SYTL4: variants seen among roughly 807,000 people sequenced by gnomAD.
The protein encoded by SYTL4 is synaptotagmin-like protein 4.
A neutral mutation model predicts 52.7 loss-of-function variants in SYTL4; 16 were observed. That is an observed-to-expected ratio of 0.30 (90% CI 0.21 to 0.46). The LOEUF (loss-of-function observed/expected upper bound fraction) is 0.46. Among genes scored for constraint, SYTL4 ranks in the 20% least tolerant of loss-of-function variants. The pLI is 1.00. For missense variants in SYTL4, 423 were observed against 519.9 expected, an observed-to-expected ratio of 0.81 and a Z score of 1.81; for synonymous variants, 160 against 186.6, an observed-to-expected ratio of 0.86 and a Z score of 1.16.
chrX:100,699,482 C>CATT (rs1313181387), intron 8 of SYTL4, among the ~76,000 whole-genome samples: 25 of 59,873 alleles, frequency 4.2e-4, no homozygotes, highest in Non-Finnish European at 5.2e-4. Flanking sequence ...CAGCATTACT[C>CATT]TTTTTTTTTT....
chrX:100,687,366 A>T, intron 13 of SYTL4, 121 bp from the exon 14 acceptor site: 1 of 591,707 alleles, frequency 1.7e-6, no homozygotes, highest in Non-Finnish European at 2.7e-6. Context: ...CCCTGCAATA[A>T]GCCAGTGCTG....
rs369124369 is a variant in SYTL4, at chrX:100,686,179, T to C, written c.1288-28A>G. 115 of 1,179,755 alleles carry C rather than the reference T, an allele frequency of 9.7e-5. No individual in the cohort carries two copies. In the South Asian group the frequency reaches 1.5e-3, roughly 16 times the overall value. ...GTGAAGGGAAAGTAAAAGCCCAAGA[T>C]GATTAGTTAAGGGTAATTCTTCAGA... On this transcript the variant is annotated intron_variant, in intron 15 of 19. Coordinates refer to ENST00000372989, the MANE Select transcript of SYTL4 (RefSeq NM_001370165.1).
At position 100,694,073 on chromosome X, in the gene SYTL4, A is replaced by G. The variant is rs139826958; in HGVS notation, c.540-2864T>C. Among the ~76,000 whole-genome samples the G allele has an allele frequency of 6.2e-5, 7 of 112,217 alleles. No individual in the cohort carries two copies. The East Asian group carries it at 2.0e-3, about 31-fold the overall frequency. ...ATCGGGTTTCTATTTGGGATGGTGA[A>G]AATGTTCTGAAATTAGATAGTGGTG... On this transcript the variant is annotated intron_variant, in intron 8 of 19. Coordinates refer to ENST00000372989, the MANE Select transcript of SYTL4 (RefSeq NM_001370165.1).
At chrX:100,724,958 A>G (rs1223851477) in intron 2 of SYTL4, among the ~76,000 whole-genome samples, 3 of 110,912 alleles carry the variant, frequency 2.7e-5, no homozygotes, top group African/African-American at 9.8e-5. Context: ...AAAAATTGCA[A>G]ATCATATATA....
intron 2 of SYTL4, among the ~76,000 whole-genome samples, chrX:100,716,718 T>C (rs1385321002): frequency 9.1e-6 from 1 of 110,377 alleles, no homozygotes; most frequent in Non-Finnish European, 1.9e-5. Flanking sequence ...TTACAGTCAA[T>C]AAAATAATTG....
intron 8 of SYTL4, among the ~76,000 whole-genome samples, chrX:100,694,639 CT>C (rs1486494565): frequency 9.0e-6 from 1 of 111,632 alleles, no homozygotes; most frequent in Non-Finnish European, 1.9e-5. Flanking sequence ...ACTTGACTAT[CT>C]TTTTATCTCC....
intron 15 of SYTL4, 107 bp from the exon 16 acceptor site, chrX:100,686,258 C>A (rs2083471782): frequency 5.1e-6 from 4 of 790,468 alleles, no homozygotes; most frequent in Non-Finnish European, 7.0e-6. Context: ...GTCCTGAATA[C>A]CAAATTACTT....
chrX:100,713,869 CTG>C (rs1279039762), intron 2 of SYTL4, among the ~76,000 whole-genome samples: 1 of 109,986 alleles, frequency 9.1e-6, no homozygotes, highest in Admixed American at 9.7e-5. Context: ...AAAAAAAACA[CTG>C]TATGATTTCA....
At chrX:100,704,769 A>C (rs1481789183) in intron 3 of SYTL4, 42 bp downstream of exon 3, 1 of 112,266 alleles carries the variant, frequency 8.9e-6, no homozygotes, top group Non-Finnish European at 1.9e-5. Context: ...AAAGAGCCCA[A>C]GGTAGACAGA....
intron 8 of SYTL4, among the ~76,000 whole-genome samples, chrX:100,698,344 C>T (rs1220049042): frequency 9.0e-6 from 1 of 111,325 alleles, no homozygotes; most frequent in Non-Finnish European, 1.9e-5. Flanking sequence ...ACCTTGTGAT[C>T]CGCCCGCCTC....
At chrX:100,710,990 A>G (rs992782545) in intron 2 of SYTL4, among the ~76,000 whole-genome samples, 4 of 112,275 alleles carry the variant, frequency 3.6e-5, no homozygotes, top group Non-Finnish European at 5.6e-5. Flanking sequence ...TCAAAAGAAC[A>G]ATGCCTGTCA....
intron 8 of SYTL4, among the ~76,000 whole-genome samples, chrX:100,698,595 G>A (rs2083767177): frequency 9.0e-6 from 1 of 111,678 alleles, no homozygotes; most frequent in South Asian, 3.8e-4. Context: ...CATTCTGAGG[G>A]AAAGAAAATG....
intron 2 of SYTL4, among the ~76,000 whole-genome samples, chrX:100,705,373 A>G (rs1219197228): frequency 1.8e-5 from 2 of 112,028 alleles, no homozygotes; most frequent in Non-Finnish European, 3.8e-5. Context: ...AGTAAGTGAA[A>G]TTGCAGGGAT....
chrX:100,681,820 C>T (rs1373075106), intron 16 of SYTL4, among the ~76,000 whole-genome samples: 3 of 112,391 alleles, frequency 2.7e-5, no homozygotes, highest in African/African-American at 9.7e-5. Flanking sequence ...TGAATCTGTA[C>T]ATGCTGACAT....
chrX:100,724,245 TG>T (rs772554006), intron 2 of SYTL4, among the ~76,000 whole-genome samples: 22 of 86,964 alleles, frequency 2.5e-4, no homozygotes, highest in South Asian at 1.7e-3. Flanking sequence ...AGGAGGGAGG[TG>T]GGGGGGGTCA....
intron 2 of SYTL4, among the ~76,000 whole-genome samples, chrX:100,716,404 C>A (rs1433004766): frequency 1.2e-5 from 1 of 83,866 alleles, no homozygotes; most frequent in East Asian, 4.1e-4. Flanking sequence ...GAGCTGAGAT[C>A]ACACCACTGC....
At chrX:100,716,559 A>G (rs1408351102) in intron 2 of SYTL4, among the ~76,000 whole-genome samples, 1 of 106,087 alleles carries the variant, frequency 9.4e-6, no homozygotes, top group Non-Finnish European at 1.9e-5. Flanking sequence ...AAAAAAAAAA[A>G]AAAAAAAGAA....
At chrX:100,686,961 T>C in intron 14 of SYTL4, 106 bp downstream of exon 14, 1 of 967,210 alleles carries the variant, frequency 1.0e-6, no homozygotes, top group Non-Finnish European at 1.4e-6. Flanking sequence ...ACATTACACC[T>C]CCCTGCTCCC....
rs1353526880 is a variant in SYTL4 at position 100,675,623 on chromosome X, A to G, written c.*405T>C. ...TGCTTCCCAGAGCCTTAAAACCCAG[A>G]CTGGTCCTAATGCGAAAGGTAGCCA... On this transcript the variant is annotated 3_prime_UTR_variant, in exon 20 of 20. Coordinates refer to ENST00000372989, the MANE Select transcript of SYTL4 (RefSeq NM_001370165.1). 3.4e-5 allele frequency: 4 copies of G among 116,217 alleles called. No homozygotes were observed. Among genetic ancestry groups the G allele is most frequent in the Non-Finnish European group, 7.1e-5 (4 of 56,439 alleles). 9.6% of individuals were successfully genotyped at this position (116,217 alleles called of 1,213,427 possible). A position where few individuals can be genotyped will look rare whatever the true frequency, so the allele number is the denominator to read the frequency against.
Sources: allele counts gnomAD v4.1 joint callset (sites outside exome capture counted in the v4.1 genomes callset), GRCh38; gene constraint gnomAD v4.1.1; transcripts MANE v1.5; gene names NCBI Gene and HGNC (gene_info 2026-07-23, HGNC 2026-07-21).